Variants in IPMK observed in about 807,000 individuals in gnomAD.
IPMK encodes the protein inositol 1,3,4,6-tetrakisphosphate 5-kinase.
A neutral mutation model predicts 45.8 loss-of-function variants in IPMK; 17 were observed. The ratio of observed to expected loss-of-function variants is 0.37; its 90% CI spans 0.25 to 0.56. IPMK has a LOEUF of 0.56. Ranked by LOEUF, IPMK falls within the 20% of genes least tolerant of loss-of-function variation. The probability of loss-of-function intolerance (pLI) is 0.79; values close to 1 mark genes in which losing one functional copy is unlikely to be tolerated. For missense variants in IPMK, 399 were observed against 498.0 expected, an observed-to-expected ratio of 0.80 and a Z score of 1.89; for synonymous variants, 180 against 184.3, an observed-to-expected ratio of 0.98 and a Z score of 0.19.
At chr10:58,214,260 A>C (rs923344906) in intron 4 of IPMK, among the ~76,000 whole-genome samples, 1 of 152,240 alleles carries the variant, frequency 6.6e-6, no homozygotes, top group Non-Finnish European at 1.5e-5. Flanking sequence ...AAAATTCTTC[A>C]ATGTGACGGG....
chr10:58,223,005 G>A (rs1056176202), intron 3 of IPMK, among the ~76,000 whole-genome samples: 11 of 152,120 alleles, frequency 7.2e-5, no homozygotes, highest in African/African-American at 1.9e-4. Context: ...GGGAAAAGGC[G>A]GAAGGTGGGT....
chr10:58,254,612 TC>T (rs1838937367), intron 1 of IPMK, among the ~76,000 whole-genome samples: 1 of 152,220 alleles, frequency 6.6e-6, no homozygotes, highest in Non-Finnish European at 1.5e-5. Context: ...ATTTTCACAA[TC>T]CTTGCATCTT....
intron 1 of IPMK, among the ~76,000 whole-genome samples, chr10:58,241,781 C>G (rs151171687): frequency 6.6e-6 from 1 of 151,954 alleles, no homozygotes; most frequent in African/African-American, 2.4e-5. Flanking sequence ...CCCTTATGAC[C>G]TCATTTAACC....
At chr10:58,203,998 G>A (rs933260596) in intron 4 of IPMK, among the ~76,000 whole-genome samples, 2 of 152,252 alleles carry the variant, frequency 1.3e-5, no homozygotes, top group African/African-American at 2.4e-5. Flanking sequence ...CTCACTGAAC[G>A]CTCAGATGAT....
At chr10:58,234,149 C>G (rs983534745) in intron 2 of IPMK, among the ~76,000 whole-genome samples, 4 of 152,130 alleles carry the variant, frequency 2.6e-5, no homozygotes, top group Non-Finnish European at 5.9e-5. Context: ...CAAACCACCG[C>G]TCAACAAAAT....
chr10:58,200,869 C>T (rs1769046), intron 4 of IPMK, among the ~76,000 whole-genome samples: 51,470 of 151,868 alleles, frequency 0.34, 10,959 homozygotes, highest in African/African-American at 0.61. Context: ...ATTTATGGGG[C>T]ACATGTGATA....
intron 4 of IPMK, among the ~76,000 whole-genome samples, chr10:58,205,286 GAA>G (rs3075205): frequency 0.34 from 51,302 of 151,732 alleles, 10,888 homozygotes; most frequent in African/African-American, 0.61. Context: ...AATCAGATTA[GAA>G]AAAAATTTGC....
chr10:58,267,337 G>A (rs1180176089), intron 1 of IPMK, 85 bp downstream of exon 1: 1 of 1,379,676 alleles, frequency 7.2e-7, no homozygotes, highest in Non-Finnish European at 1.0e-6. Context: ...GTCCAGGCAG[G>A]CCCGAGAGCG....
chr10:58,197,306 A>AATACATAC (rs879645938), intron 5 of IPMK, among the ~76,000 whole-genome samples: 13 of 141,822 alleles, frequency 9.2e-5, no homozygotes, highest in South Asian at 4.3e-4. Context: ...CTCAAAAATA[A>AATACATAC]ATAAATAAAT....
chr10:58,229,855 T>A (rs546772642), intron 2 of IPMK, among the ~76,000 whole-genome samples: 5 of 151,980 alleles, frequency 3.3e-5, no homozygotes, highest in Non-Finnish European at 7.4e-5. Flanking sequence ...GGCTGGACAG[T>A]GGGTCCCTCA....
At chr10:58,215,536 G>A (rs538057012) in intron 4 of IPMK, among the ~76,000 whole-genome samples, 1 of 151,748 alleles carries the variant, frequency 6.6e-6, no homozygotes, top group South Asian at 2.1e-4. Flanking sequence ...AGCCTCCCGA[G>A]TAGCTCGGAC....
intron 1 of IPMK, among the ~76,000 whole-genome samples, chr10:58,254,668 T>C (rs920141939): frequency 2.6e-5 from 4 of 152,240 alleles, no homozygotes; most frequent in Non-Finnish European, 5.9e-5. Context: ...CCTCTTCTAG[T>C]TTTTGCAGGT....
chr10:58,255,923 T>C (rs1838960978), intron 1 of IPMK, among the ~76,000 whole-genome samples: 1 of 152,242 alleles, frequency 6.6e-6, no homozygotes, highest in Non-Finnish European at 1.5e-5. Context: ...ATTGTTAAGA[T>C]TTCATGCACA....
intron 1 of IPMK, among the ~76,000 whole-genome samples, chr10:58,259,966 A>G (rs193172684): frequency 1.3e-5 from 2 of 152,348 alleles, no homozygotes; most frequent in East Asian, 3.9e-4. Flanking sequence ...GAGGAACAGA[A>G]TATCTAACAG....
rs552022514 is a variant in IPMK at position 58,212,881 on chromosome 10, T to C, written c.546+3264A>G. On this transcript the variant is annotated intron_variant, in intron 4 of 5. Coordinates refer to ENST00000373935, the MANE Select transcript of IPMK (RefSeq NM_152230.5). ...GCCCTCGGGACCTTCAGCAGAGGCA[T>C]TTCCGCCAATGAGCAAGTCATCAGT... 3.4e-5 allele frequency: 8 copies of C among 234,802 alleles called. No individual in the cohort carries two copies. In the East Asian group the frequency reaches 7.6e-4, roughly 22 times the overall value. 14.5% of individuals were successfully genotyped at this position (234,802 alleles called of 1,614,324 possible).
At chr10:58,227,618 G>A (rs755503869) in intron 2 of IPMK, among the ~76,000 whole-genome samples, 2 of 151,914 alleles carry the variant, frequency 1.3e-5, no homozygotes, top group Non-Finnish European at 2.9e-5. Flanking sequence ...ATATGTTAAA[G>A]CAAATCTTTA....
At position 58,246,003 on chromosome 10, in the gene IPMK, C is replaced by T. The variant is rs1469124620; in HGVS notation, c.191-8189G>A. Among the ~76,000 whole-genome samples, 3 of 133,332 alleles carry T rather than the reference C, an allele frequency of 2.3e-5. 1 individual carries two copies. The highest frequency in any genetic ancestry group is 4.6e-5 in the Non-Finnish European group (3 of 65,186). The allele number at this position is 133,332 out of a possible 152,430, so 87.5% of individuals were successfully genotyped here. A position where few individuals can be genotyped will look rare whatever the true frequency, so the allele number is the denominator to read the frequency against. On this transcript the variant is annotated intron_variant, in intron 1 of 5. Coordinates refer to ENST00000373935, the MANE Select transcript of IPMK (RefSeq NM_152230.5). ...CAAAAATCACAAGCATTCTTATACA[C>T]CAACAACAGACAAACAGAGAGCCAA... is the stretch of plus-strand genomic sequence containing the variant.
At chr10:58,215,741 A>G (rs960023480) in intron 4 of IPMK, among the ~76,000 whole-genome samples, 45 of 152,172 alleles carry the variant, frequency 3.0e-4, no homozygotes, top group African/African-American at 1.1e-3. Context: ...TTTCTTTTAT[A>G]TTTTGAAAAT....
rs940044345 is a variant in IPMK at position 58,193,895 on chromosome 10, C to T, written c.*2181G>A. The T allele has an allele frequency of 6.6e-6, 1 of 151,684 alleles. No homozygotes were observed. The highest frequency in any genetic ancestry group is 2.4e-5 in the African/African-American group (1 of 41,396). The allele number at this position is 151,684 out of a possible 1,614,324, so 9.4% of individuals were successfully genotyped here. ...ACTTATTCTGTTATACCTAAGCCTA[C>T]TTATAAAGCAACATAAAATGAGCAT... On this transcript the variant is annotated 3_prime_UTR_variant, in exon 6 of 6. Coordinates refer to ENST00000373935, the MANE Select transcript of IPMK (RefSeq NM_152230.5).
Sources: gnomAD v4.1 joint callset for allele counts (sites outside exome capture counted in the v4.1 genomes callset) on GRCh38, gnomAD v4.1.1 for gene constraint, MANE v1.5 for transcripts, NCBI Gene and HGNC (gene_info 2026-07-23, HGNC 2026-07-21) for gene names.